Variants in ADGRG4 observed in about 807,000 individuals in gnomAD.
ADGRG4 encodes adhesion G protein-coupled receptor G4.
In ADGRG4, 122 loss-of-function variants were observed where a neutral mutation model predicts 126.2. That is an observed-to-expected ratio of 0.97 (90% CI 0.83 to 1.12). The LOEUF (loss-of-function observed/expected upper bound fraction) is 1.12. ADGRG4 is among the 50% of genes most tolerant of loss of function. ADGRG4 has a pLI of 0.00. For missense variants in ADGRG4, 2,481 were observed against 2,251.8 expected (o/e 1.10, Z -2.06); for synonymous variants, 943 against 838.7 (o/e 1.12, Z -2.15).
At chrX:136,343,009 A>G (rs191818075) in intron 5 of ADGRG4, among the ~76,000 whole-genome samples, 67 of 107,993 alleles carry the variant, frequency 6.2e-4, no homozygotes, top group Admixed American at 7.0e-4. Flanking sequence ...GTCCAAGAGT[A>G]GTGGCAGACT....
In ADGRG4 at chrX:136,348,094, C is replaced by T. The variant is rs1357592303; in HGVS notation, c.4388C>T (p.Pro1463Leu). Residue 1463 changes from proline to leucine, a missense_variant, in exon 6 of 26, where the codon CCT becomes CTT. Transcript: ENST00000394143. The stretch of plus-strand genomic sequence containing the variant: ...ATTTCTGAAAGCACACAGACTTTCC[C>T]TGAGTCCTTGTCTCTTTCCACAGCT... ...SFISESTQTF[P>L]ESLSLSTAGL... 5.8e-6 allele frequency: 7 copies of T among 1,208,619 alleles called. No individual in the cohort carries two copies. Among genetic ancestry groups the T allele is most frequent in the Non-Finnish European group, 7.8e-6 (7 of 893,917 alleles).
intron 20 of ADGRG4, among the ~76,000 whole-genome samples, chrX:136,399,042 T>C (rs1353409609): frequency 1.8e-5 from 2 of 112,505 alleles, no homozygotes; most frequent in East Asian, 5.5e-4. Flanking sequence ...GACAACGTAC[T>C]GTGTGGTTCC....
intron 12 of ADGRG4, 147 bp from the exon 13 acceptor site, chrX:136,363,330 A>G (rs2075139329): frequency 2.1e-6 from 1 of 477,917 alleles, no homozygotes; most frequent in Non-Finnish European, 3.7e-6. Context: ...CATTTCACAA[A>G]GAAGTACTGG....
intron 8 of ADGRG4, among the ~76,000 whole-genome samples, chrX:136,354,588 G>A (rs1220218782): frequency 1.8e-5 from 2 of 110,773 alleles, no homozygotes; most frequent in Non-Finnish European, 3.8e-5. Context: ...TTCTATTCTG[G>A]TGTTATCCTC....
intron 15 of ADGRG4, among the ~76,000 whole-genome samples, chrX:136,377,760 T>TC (rs1221533958): frequency 9.0e-6 from 1 of 111,340 alleles, no homozygotes; most frequent in Non-Finnish European, 1.9e-5. Context: ...GACTTTTCCT[T>TC]CCCCATTGGC....
rs534355412 is a variant in ADGRG4, at chrX:136,330,212, G to A, written c.685+6820G>A. Among the ~76,000 whole-genome samples the A allele has an allele frequency of 4.5e-5, 5 of 110,813 alleles. No individual in the cohort carries two copies. In the East Asian group the frequency reaches 1.4e-3, roughly 31 times the overall value. On this transcript the variant is annotated intron_variant, in intron 5 of 25. Transcript: ENST00000394143. ...ATGCTGAACAGTTCTAATACTAGTAGGATCCCTCATGTTGACCTTTTATAA... is the reference window on the plus strand; with the variant it reads ...ATGCTGAACAGTTCTAATACTAGTAAGATCCCTCATGTTGACCTTTTATAA...
chrX:136,363,708 G>C (rs1353841633), intron 13 of ADGRG4, 113 bp downstream of exon 13: 1 of 512,233 alleles, frequency 2.0e-6, no homozygotes, highest in Non-Finnish European at 3.5e-6. Flanking sequence ...TCTACCTTAC[G>C]ACAATCCAAT....
chrX:136,306,665 C>T (rs1282057577), intron 3 of ADGRG4, among the ~76,000 whole-genome samples: 1 of 110,191 alleles, frequency 9.1e-6, no homozygotes, highest in Admixed American at 9.8e-5. Context: ...GCCCCATCCC[C>T]TTTCCTCAAC....
At chrX:136,398,041 G>C in intron 20 of ADGRG4, 39 bp downstream of exon 20, 1 of 1,158,822 alleles carries the variant, frequency 8.6e-7, no homozygotes, top group East Asian at 3.0e-5. Context: ...CATTTAATTT[G>C]GTTTGATGGA....
At chrX:136,308,683 G>A (rs1227336113) in intron 3 of ADGRG4, 86 bp from the exon 4 acceptor site, 7 of 574,981 alleles carry the variant, frequency 1.2e-5, no homozygotes, top group Non-Finnish European at 2.1e-5. Context: ...TAGGTGGTAT[G>A]CAAAGGAGAA....
chrX:136,350,541 G>C, intron 6 of ADGRG4, 108 bp downstream of exon 6: 1 of 773,046 alleles, frequency 1.3e-6, no homozygotes, highest in Non-Finnish European at 1.8e-6. Context: ...AATGAAGAAG[G>C]GTGCAGGTGT....
At chrX:136,379,394 T>G (rs1246820855) in intron 15 of ADGRG4, among the ~76,000 whole-genome samples, 1 of 110,141 alleles carries the variant, frequency 9.1e-6, no homozygotes. Context: ...GTCTGCTGAA[T>G]GTTCTTATAT....
At position 136,345,542 on chromosome X, in the gene ADGRG4, A is replaced by G. The variant is rs1432284694; in HGVS notation, c.1836A>G (p.Thr612=). ...CAGGACGAGTTTACACCCAGAATAC[A>G]CCTACAGCTGATGGACACTTGCTTA... is the stretch of plus-strand genomic sequence containing the variant. ...TITGRVYTQN[T]PTADGHLLTL... is the part of the protein sequence containing the mutation. The change falls in exon 6 of 26, where the codon ACA becomes ACG. Residue 612 remains threonine (T), a synonymous_variant. Coordinates refer to ENST00000394143, the MANE Select transcript of ADGRG4 (RefSeq NM_153834.4). The G allele has an allele frequency of 8.3e-7, 1 of 1,207,801 alleles. No individual in the cohort carries two copies. Among genetic ancestry groups the G allele is most frequent in the African/African-American group, 1.8e-5 (1 of 56,854 alleles).
intron 13 of ADGRG4, among the ~76,000 whole-genome samples, chrX:136,370,428 C>A (rs143592268): frequency 0.028 from 3,135 of 111,938 alleles, 47 homozygotes; most frequent in South Asian, 0.061. Context: ...AAAAGTGAGT[C>A]ATGATTCAAA....
chrX:136,408,120 G>T (rs73637924), intron 23 of ADGRG4, among the ~76,000 whole-genome samples: 3,877 of 111,907 alleles, frequency 0.035, 175 homozygotes, highest in African/African-American at 0.12. Flanking sequence ...TAAAGGAGGG[G>T]CAGGGGTGTT....
At chrX:136,403,809 G>A (rs2148499124) in intron 22 of ADGRG4, among the ~76,000 whole-genome samples, 1 of 111,862 alleles carries the variant, frequency 8.9e-6, no homozygotes, top group East Asian at 2.8e-4. Flanking sequence ...AAACGGCCTC[G>A]GCTTTATTGT....
intron 16 of ADGRG4, 142 bp from the exon 17 acceptor site, chrX:136,392,090 A>G (rs773542907): frequency 2.3e-6 from 1 of 437,106 alleles, no homozygotes; most frequent in Admixed American, 4.4e-5. Flanking sequence ...GAGCTGAATA[A>G]CCTTTGACCT....
intron 5 of ADGRG4, among the ~76,000 whole-genome samples, chrX:136,327,927 A>G (rs2074884100): frequency 9.0e-6 from 1 of 111,327 alleles, no homozygotes; most frequent in Non-Finnish European, 1.9e-5. Flanking sequence ...TAAAAGTATA[A>G]ATCTAAAGTC....
Position 136,414,145 on chromosome X carries a change from T to C in ADGRG4, c.9038-15T>C. Reference sequence around the variant, plus strand: ...ATGAGTTTTATATTTTTAACTTTTCTTGGTATCATTTCAGATGGGAGCAGC... The same window carrying C: ...ATGAGTTTTATATTTTTAACTTTTCCTGGTATCATTTCAGATGGGAGCAGC... On this transcript the variant is annotated splice_polypyrimidine_tract_variant and intron_variant, in intron 24 of 25. Transcript: ENST00000394143. 1 of 1,161,686 alleles carries C rather than the reference T, an allele frequency of 8.6e-7. No individual in the cohort carries two copies. The highest frequency in any genetic ancestry group is 1.2e-6 in the Non-Finnish European group (1 of 867,811).
Sources: allele counts gnomAD v4.1 joint callset (sites outside exome capture counted in the v4.1 genomes callset), GRCh38; gene constraint gnomAD v4.1.1; transcripts MANE v1.5; gene names NCBI Gene and HGNC (gene_info 2026-07-23, HGNC 2026-07-21).